Variants in CES1 observed in about 807,000 individuals in gnomAD.
CES1 encodes liver carboxylesterase 1.
In CES1, 50 loss-of-function variants were observed where a neutral mutation model predicts 53.0. The observed-to-expected ratio is 0.94, with a 90% CI of 0.75 to 1.19. The LOEUF (loss-of-function observed/expected upper bound fraction) is 1.19. CES1 is among the 50% of genes most tolerant of loss of function. The pLI, the probability that CES1 is intolerant of heterozygous loss-of-function variation, is 0.00. For synonymous variants in CES1, 202 were observed against 210.1 expected (o/e 0.96, Z 0.33); for missense variants, 534 against 538.0 (o/e 0.99, Z 0.07).
intron 1 of CES1, among the ~76,000 whole-genome samples, chr16:55,831,194 C>G (rs1361557097): frequency 6.6e-6 from 1 of 152,136 alleles, no homozygotes; most frequent in South Asian, 2.1e-4. Flanking sequence ...CCACTACGGC[C>G]AAGACCAAAG....
intron 11 of CES1, among the ~76,000 whole-genome samples, chr16:55,808,355 G>A (rs1333369796): frequency 2.6e-5 from 4 of 152,028 alleles, no homozygotes; most frequent in Admixed American, 2.6e-4. Context: ...CACAGATTTG[G>A]GTAATGACAA....
Position 55,826,278 on chromosome 16 carries a change from T to A in CES1, c.278A>T (p.Lys93Met), listed in dbSNP as rs771234416. 1.1e-5 allele frequency: 17 copies of A among 1,614,012 alleles called. No individual in the cohort carries two copies. Among genetic ancestry groups the A allele is most frequent in the Non-Finnish European group, 1.4e-5 (17 of 1,179,870 alleles). ...TAGCTCTGAGAGTAACTGCCCCGCC[T>A]TGGGATCTTGGGTGCACCTGGGGAG... ...SYPPMCTQDP[K>M]AGQLLSELFT... Residue 93 changes from lysine to methionine, a missense_variant, in exon 3 of 14, where the codon AAG becomes ATG. Lys to Met is a moderately conservative substitution (Grantham distance 95). Coordinates refer to ENST00000360526, the MANE Select transcript of CES1 (RefSeq NM_001025195.2).
intron 2 of CES1, chr16:55,827,980 T>A (rs2032483501): frequency 6.6e-6 from 1 of 152,166 alleles, no homozygotes; most frequent in African/African-American, 2.4e-5. Context: ...ATTTCCTAAA[T>A]TTTCTGTAAT....
At position 55,828,953 on chromosome 16, in the gene CES1, G is replaced by A; in HGVS notation, c.74C>T (p.Pro25Leu). 2 of 1,612,258 alleles carry A rather than the reference G, an allele frequency of 1.2e-6. No homozygotes were observed. The highest frequency in any genetic ancestry group is 1.1e-5 in the South Asian group (1 of 90,498). The part of the protein sequence containing the change: ...AAWAGHPSSP[P>L]VVDTVHGKVL... Reference sequence around the variant, plus strand: ...TTTGCCATGCACGGTGTCCACCACAGGTGGCGAGGACGGATGCCCTGCTGG... The same window carrying A: ...TTTGCCATGCACGGTGTCCACCACAAGTGGCGAGGACGGATGCCCTGCTGG... Residue 25 changes from proline (P) to leucine (L), a missense_variant, in exon 2 of 14, where the codon CCT becomes CTT. By Grantham distance (98) the Pro-to-Leu change is moderately conservative. Coordinates refer to ENST00000360526, the MANE Select transcript of CES1 (RefSeq NM_001025195.2).
intron 7 of CES1, among the ~76,000 whole-genome samples, chr16:55,817,798 G>A (rs2032008859): frequency 6.6e-6 from 1 of 152,062 alleles, no homozygotes; most frequent in Non-Finnish European, 1.5e-5. Context: ...GCATGTGTGT[G>A]TACTGGAGGC....
At chr16:55,828,690 C>G in intron 2 of CES1, 77 bp downstream of exon 2, 4 of 1,516,642 alleles carry the variant, frequency 2.6e-6, no homozygotes, top group Non-Finnish European at 3.7e-6. Context: ...AAAGGATCAG[C>G]CCGTCAGGGG....
Position 55,831,191 on chromosome 16 carries a change from G to A in CES1, c.52+1813C>T, listed in dbSNP as rs141080120. Among the ~76,000 whole-genome samples the A allele has an allele frequency of 4.7e-3, 720 of 152,168 alleles. 5 individuals carry two copies. Among genetic ancestry groups the A allele is most frequent in the South Asian group, 8.7e-3 (42 of 4,814 alleles). ...AAAGGTCAAACACAGGGACCACTAC[G>A]GCCAAGACCAAAGATCCATCAGAAT... On this transcript the variant is annotated intron_variant, in intron 1 of 13. Transcript: ENST00000360526.
chr16:55,810,769 A>G, intron 10 of CES1, 105 bp from the exon 11 acceptor site: 2 of 1,479,214 alleles, frequency 1.4e-6, no homozygotes, highest in South Asian at 1.1e-5. Flanking sequence ...GCCCTGTGCA[A>G]CTCCCCGCTA....
At chr16:55,817,728 GTGTC>G (rs1221041185) in intron 7 of CES1, among the ~76,000 whole-genome samples, 6 of 151,904 alleles carry the variant, frequency 3.9e-5, no homozygotes, top group African/African-American at 1.5e-4. Context: ...CTGTGTGTGT[GTGTC>G]TGTATGTGTT....
At chr16:55,811,854 C>T (rs1282017432) in intron 9 of CES1, among the ~76,000 whole-genome samples, 1 of 152,252 alleles carries the variant, frequency 6.6e-6, no homozygotes, top group Non-Finnish European at 1.5e-5. Context: ...CACTCCTGAT[C>T]TTCCCAGTCC....
rs770494458 is a variant in CES1 at position 55,812,902 on chromosome 16, C to A, written c.1086+1G>T. The A allele has an allele frequency of 1.2e-6, 2 of 1,614,086 alleles. No individual in the cohort carries two copies. The highest frequency in any genetic ancestry group is 4.5e-5 in the East Asian group (2 of 44,890). On this transcript the variant is annotated splice_donor_variant, in intron 9 of 13. Coordinates refer to ENST00000360526, the MANE Select transcript of CES1 (RefSeq NM_001025195.2). LOFTEE classifies it high-confidence loss of function. ...CCTCCAACAGACATGTGCCTTCTCA[C>A]CATTGGAATCAACCAGCCAAACTCC...
intron 4 of CES1, 40 bp downstream of exon 4, chr16:55,823,510 C>G (rs187078209): frequency 6.2e-7 from 1 of 1,610,150 alleles, no homozygotes; most frequent in African/African-American, 1.4e-5. Flanking sequence ...CATCCTCGTT[C>G]TGGGGGCCAA....
intron 8 of CES1, 151 bp downstream of exon 8, chr16:55,816,773 C>A: frequency 1.0e-6 from 1 of 968,040 alleles, no homozygotes; most frequent in South Asian, 1.3e-5. Context: ...GCTGTGTTAC[C>A]CAGGTGAGTC....
chr16:55,821,308 A>G (rs2032179599), intron 5 of CES1, 60 bp downstream of exon 5: 4 of 1,604,318 alleles, frequency 2.5e-6, no homozygotes, highest in Non-Finnish European at 3.4e-6. Flanking sequence ...ACAGGTGTCC[A>G]AGAGGTCTCA....
chr16:55,810,287 T>C (rs1359252426), intron 11 of CES1, among the ~76,000 whole-genome samples: 1 of 152,162 alleles, frequency 6.6e-6, no homozygotes, highest in Non-Finnish European at 1.5e-5. Context: ...CTACTGCTGT[T>C]ATCTGGGATC....
chr16:55,832,144 CT>C (rs1421993394), intron 1 of CES1, among the ~76,000 whole-genome samples: 4 of 152,096 alleles, frequency 2.6e-5, no homozygotes, highest in African/African-American at 9.7e-5. Flanking sequence ...CCCAGAGCCC[CT>C]GAAGTATCCC....
chr16:55,812,767 A>C, intron 9 of CES1, 136 bp downstream of exon 9: 1 of 1,286,362 alleles, frequency 7.8e-7, no homozygotes, highest in Non-Finnish European at 1.1e-6. Context: ...ATTTCCGTGG[A>C]AATGTTAACT....
intron 7 of CES1, 136 bp from the exon 8 acceptor site, chr16:55,817,098 G>A: frequency 1.1e-6 from 1 of 949,250 alleles, no homozygotes; most frequent in East Asian, 2.4e-5. Flanking sequence ...GACCTGCGGT[G>A]CTCCATCTCC....
chr16:55,830,807 A>AAGGG (rs1159599347), intron 1 of CES1, among the ~76,000 whole-genome samples: 1 of 145,224 alleles, frequency 6.9e-6, no homozygotes, highest in African/African-American at 2.6e-5. Flanking sequence ...GGAAGGAAGG[A>AAGGG]AGGAAGGAAG....
Sources: gnomAD v4.1 joint callset for allele counts (sites outside exome capture counted in the v4.1 genomes callset) on GRCh38, gnomAD v4.1.1 for gene constraint, MANE v1.5 for transcripts, NCBI Gene and HGNC (gene_info 2026-07-23, HGNC 2026-07-21) for gene names.